PITPNC1: variants seen among roughly 807,000 people sequenced by gnomAD.
PITPNC1 encodes cytoplasmic phosphatidylinositol transfer protein 1.
PITPNC1 carries 18 observed loss-of-function variants against 44.7 expected under a neutral mutation model. That is an observed-to-expected ratio of 0.40 (90% CI 0.28 to 0.60). The LOEUF is 0.60. Ranked by LOEUF, PITPNC1 falls within the 20% of genes least tolerant of loss-of-function variation. PITPNC1 has a pLI of 0.39. For missense variants in PITPNC1, 290 were observed against 418.4 expected (o/e 0.69, Z 2.68); for synonymous variants, 141 against 149.6 (o/e 0.94, Z 0.42).
intron 6 of PITPNC1, among the ~76,000 whole-genome samples, chr17:67,661,994 C>CATAATAATAATA (rs59557224): frequency 0.064 from 9,594 of 150,830 alleles, 407 homozygotes; most frequent in East Asian, 0.21. Context: ...GACTCCATCT[C>CATAATAATAATA]ATAATAATAA....
At position 67,455,566 on chromosome 17, in the gene PITPNC1, C is replaced by T. The variant is rs75621753; in HGVS notation, c.49-77236C>T. On this transcript the variant is annotated intron_variant, in intron 1 of 8. Coordinates refer to ENST00000581322, the MANE Select transcript of PITPNC1 (RefSeq NM_012417.4). ...GCCAGAGTAGCTGAGGTTACAGGTG[C>T]GCACCACCATGCCCAGCTAGTTTTT... 3.1e-3 allele frequency among the ~76,000 whole-genome samples: 466 copies of T among 152,088 alleles called. 3 individuals are homozygous for T. The highest frequency in any genetic ancestry group is 0.011 in the African/African-American group (442 of 41,472).
At chr17:67,657,436 A>G (rs189252345) in intron 6 of PITPNC1, among the ~76,000 whole-genome samples, 22 of 152,294 alleles carry the variant, frequency 1.4e-4, no homozygotes, top group Admixed American at 1.4e-3. Flanking sequence ...ACTGGGCTAT[A>G]ACAAAAACAC....
At chr17:67,625,635 G>C (rs1337190202) in intron 5 of PITPNC1, among the ~76,000 whole-genome samples, 1 of 152,132 alleles carries the variant, frequency 6.6e-6, no homozygotes, top group Non-Finnish European at 1.5e-5. Context: ...ACCACATCAG[G>C]ACCGCTGCCA....
intron 1 of PITPNC1, among the ~76,000 whole-genome samples, chr17:67,387,511 C>G (rs1441427098): frequency 6.6e-6 from 1 of 151,928 alleles, no homozygotes; most frequent in Non-Finnish European, 1.5e-5. Flanking sequence ...ACTAAAAACA[C>G]AAAAATTAGC....
chr17:67,518,643 A>AC (rs2040287213), intron 1 of PITPNC1, among the ~76,000 whole-genome samples: 2 of 151,646 alleles, frequency 1.3e-5, no homozygotes, highest in Non-Finnish European at 3.0e-5. Flanking sequence ...TGGTTATCAA[A>AC]AAAACAAACA....
At chr17:67,537,877 C>G (rs2040551333) in intron 2 of PITPNC1, among the ~76,000 whole-genome samples, 1 of 151,496 alleles carries the variant, frequency 6.6e-6, no homozygotes. Flanking sequence ...GAGGCTGAGG[C>G]AGGAGAATCA....
chr17:67,477,549 C>A (rs1039312252), intron 1 of PITPNC1, among the ~76,000 whole-genome samples: 1 of 150,680 alleles, frequency 6.6e-6, no homozygotes, highest in African/African-American at 2.4e-5. Context: ...CCAGCCTGCC[C>A]AGCTCATTTT....
intron 1 of PITPNC1, among the ~76,000 whole-genome samples, chr17:67,520,220 G>A (rs1265180836): frequency 6.6e-6 from 1 of 152,130 alleles, no homozygotes; most frequent in Non-Finnish European, 1.5e-5. Context: ...TGCTACCTTG[G>A]TAGTGGATGG....
At chr17:67,648,142 C>G (rs2042172302) in intron 6 of PITPNC1, among the ~76,000 whole-genome samples, 1 of 152,190 alleles carries the variant, frequency 6.6e-6, no homozygotes, top group Non-Finnish European at 1.5e-5. Context: ...CAAAATAATA[C>G]AGTACACAAG....
At chr17:67,496,666 G>A (rs773900074) in intron 1 of PITPNC1, among the ~76,000 whole-genome samples, 52 of 152,018 alleles carry the variant, frequency 3.4e-4, no homozygotes, top group Non-Finnish European at 6.0e-4. Flanking sequence ...CTGTGGGAGC[G>A]CTTCAGTGAT....
At chr17:67,492,091 A>G (rs1330992660) in intron 1 of PITPNC1, among the ~76,000 whole-genome samples, 1 of 152,138 alleles carries the variant, frequency 6.6e-6, no homozygotes, top group Non-Finnish European at 1.5e-5. Context: ...ACTCCTTAAA[A>G]AAAATCCTTA....
chr17:67,422,863 T>G (rs777470429), intron 1 of PITPNC1, among the ~76,000 whole-genome samples: 12 of 152,124 alleles, frequency 7.9e-5, no homozygotes, highest in Non-Finnish European at 1.8e-4. Flanking sequence ...AATGTCTAGT[T>G]TGCAGGGTAG....
intron 1 of PITPNC1, among the ~76,000 whole-genome samples, chr17:67,405,061 A>G (rs1360440982): frequency 6.6e-6 from 1 of 152,116 alleles, no homozygotes; most frequent in Non-Finnish European, 1.5e-5. Context: ...AGCCTGGCCA[A>G]CATGGTGAAA....
Position 67,484,863 on chromosome 17 carries a change from G to A in PITPNC1, c.49-47939G>A, listed in dbSNP as rs180936903. ...TGAGGTAGGGGAATCGCTTGAACCCGGGACATGGAGGTTGCAGTGAGCTGA... is the reference window on the plus strand; with the variant it reads ...TGAGGTAGGGGAATCGCTTGAACCCAGGACATGGAGGTTGCAGTGAGCTGA... On this transcript the variant is annotated intron_variant, in intron 1 of 8. Coordinates refer to ENST00000581322, the MANE Select transcript of PITPNC1 (RefSeq NM_012417.4). Among the ~76,000 whole-genome samples, 225 of 152,146 alleles carry A rather than the reference G, an allele frequency of 1.5e-3. 2 individuals carry two copies. The highest frequency in any genetic ancestry group is 7.0e-3 in the Admixed American group (107 of 15,280).
chr17:67,669,254 T>C (rs1287986132), intron 6 of PITPNC1, among the ~76,000 whole-genome samples: 1 of 152,080 alleles, frequency 6.6e-6, no homozygotes, highest in Non-Finnish European at 1.5e-5. Flanking sequence ...TGATAGGCAG[T>C]AGGTGGGATT....
intron 1 of PITPNC1, among the ~76,000 whole-genome samples, chr17:67,493,149 A>G (rs921601501): frequency 6.6e-6 from 1 of 152,206 alleles, no homozygotes; most frequent in Non-Finnish European, 1.5e-5. Context: ...AGATTCAGTA[A>G]CCACTCTTTA....
chr17:67,444,441 G>A (rs2039064082), intron 1 of PITPNC1, among the ~76,000 whole-genome samples: 1 of 152,034 alleles, frequency 6.6e-6, no homozygotes, highest in Non-Finnish European at 1.5e-5. Flanking sequence ...GGAGGGGGGT[G>A]AGCAGAGGAA....
intron 1 of PITPNC1, among the ~76,000 whole-genome samples, chr17:67,497,679 C>A (rs2039972368): frequency 1.3e-5 from 2 of 151,372 alleles, no homozygotes; most frequent in African/African-American, 2.4e-5. Flanking sequence ...ACGTGTGAGC[C>A]ACCACGCCCA....
At chr17:67,504,915 C>T (rs1188329703) in intron 1 of PITPNC1, among the ~76,000 whole-genome samples, 1 of 152,178 alleles carries the variant, frequency 6.6e-6, no homozygotes. Context: ...AGCTGTGTCA[C>T]TTAAGTTTTG....
Sources: allele counts gnomAD v4.1 joint callset (sites outside exome capture counted in the v4.1 genomes callset), GRCh38; gene constraint gnomAD v4.1.1; transcripts MANE v1.5; gene names NCBI Gene and HGNC (gene_info 2026-07-23, HGNC 2026-07-21).